B3GNT3: variants seen among roughly 807,000 people sequenced by gnomAD.
B3GNT3 encodes N-acetyllactosaminide beta-1,3-N-acetylglucosaminyltransferase 3.
Under a neutral mutation model 11.6 loss-of-function variants are expected in B3GNT3, and 7 were observed. The ratio of observed to expected loss-of-function variants is 0.60; its 90% confidence interval spans 0.34 to 1.13. The LOEUF (loss-of-function observed/expected upper bound fraction) is 1.13. Among genes scored for constraint, B3GNT3 ranks in the 50% most tolerant of loss-of-function variants. The probability of loss-of-function intolerance (pLI) is 0.03; values close to 1 mark genes in which losing one functional copy is unlikely to be tolerated. For missense variants in B3GNT3, 400 were observed against 507.4 expected (o/e 0.79, Z 2.03); for synonymous variants, 201 against 222.1 (o/e 0.90, Z 0.85).
At chr19:17,798,111 C>T (rs1403239975) in intron 1 of B3GNT3, among the ~76,000 whole-genome samples, 1 of 152,200 alleles carries the variant, frequency 6.6e-6, no homozygotes, top group Non-Finnish European at 1.5e-5. Context: ...GCCAGGGGCT[C>T]ACACCCTCTC....
intron 1 of B3GNT3, among the ~76,000 whole-genome samples, chr19:17,804,368 T>C (rs1335408483): frequency 2.7e-5 from 4 of 150,254 alleles, no homozygotes; most frequent in Non-Finnish European, 5.9e-5. Flanking sequence ...GCCTCCTGAG[T>C]AGCTGGGATT....
chr19:17,798,989 A>T (rs2094162606), intron 1 of B3GNT3, among the ~76,000 whole-genome samples: 2 of 152,108 alleles, frequency 1.3e-5, no homozygotes, highest in African/African-American at 4.8e-5. Context: ...AGAAAAAAAA[A>T]ATCTCATTGT....
At chr19:17,800,783 A>G (rs1599844180) in intron 1 of B3GNT3, among the ~76,000 whole-genome samples, 2 of 152,012 alleles carry the variant, frequency 1.3e-5, no homozygotes, top group Admixed American at 6.6e-5. Flanking sequence ...CCTGGCCAAC[A>G]TGGTGAAACT....
intron 1 of B3GNT3, among the ~76,000 whole-genome samples, chr19:17,801,729 C>T (rs1324993337): frequency 6.6e-6 from 1 of 152,102 alleles, no homozygotes; most frequent in East Asian, 1.9e-4. Context: ...AGTGATCCTC[C>T]CACCTCAGCC....
chr19:17,810,812 C>T (rs2094179667), intron 2 of B3GNT3, among the ~76,000 whole-genome samples: 2 of 151,762 alleles, frequency 1.3e-5, no homozygotes, highest in Non-Finnish European at 2.9e-5. Flanking sequence ...ACCTGAAAGG[C>T]GGAGGTTGCA....
chr19:17,796,356 G>A (rs1025460160), intron 1 of B3GNT3, among the ~76,000 whole-genome samples: 2 of 152,228 alleles, frequency 1.3e-5, no homozygotes, highest in Non-Finnish European at 2.9e-5. Flanking sequence ...GCATCTGAAA[G>A]TGCTGGGATT....
At chr19:17,807,605 AAATGGG>A in intron 1 of B3GNT3, 147 bp from the exon 2 acceptor site, 1 of 545,324 alleles carries the variant, frequency 1.8e-6, no homozygotes. Flanking sequence ...GAGTGCTTTG[AAATGGG>A]TCTTGCAAGG....
chr19:17,800,573 G>A (rs986801757), intron 1 of B3GNT3, among the ~76,000 whole-genome samples: 7 of 152,170 alleles, frequency 4.6e-5, no homozygotes, highest in Non-Finnish European at 1.0e-4. Flanking sequence ...TTTTCAATGA[G>A]TCATTAATAC....
intron 1 of B3GNT3, among the ~76,000 whole-genome samples, chr19:17,799,450 A>G (rs1483654755): frequency 6.6e-6 from 1 of 151,632 alleles, no homozygotes; most frequent in Non-Finnish European, 1.5e-5. Context: ...TTGTATTTTT[A>G]GTAGAAATGG....
At chr19:17,800,325 A>C (rs1312576561) in intron 1 of B3GNT3, among the ~76,000 whole-genome samples, 1 of 152,062 alleles carries the variant, frequency 6.6e-6, no homozygotes, top group Non-Finnish European at 1.5e-5. Context: ...CAGTGAGCCA[A>C]GATCACACCA....
At position 17,813,552 on chromosome 19, in the gene B3GNT3, T is replaced by C. The variant is rs2094183907; in HGVS notation, c.*1430T>C. ...CTCAGATACCCTTCATAGCTCCTTA[T>C]TGCTTTCAGCTCATAACCCCACATA... On this transcript the variant is annotated 3_prime_UTR_variant, in exon 3 of 3. Coordinates refer to ENST00000318683, the MANE Select transcript of B3GNT3 (RefSeq NM_014256.4). 6.6e-6 allele frequency among the ~76,000 whole-genome samples: 1 copy of C among 151,906 alleles called. No individual in the cohort carries two copies. The highest frequency in any genetic ancestry group is 2.4e-5 in the African/African-American group (1 of 41,352).
chr19:17,805,507 G>A (rs566311107), intron 1 of B3GNT3, among the ~76,000 whole-genome samples: 10 of 152,170 alleles, frequency 6.6e-5, no homozygotes, highest in South Asian at 4.2e-4. Context: ...TCTTTCTGGC[G>A]TGCCCATTCT....
At chr19:17,802,251 T>C (rs1018202498) in intron 1 of B3GNT3, among the ~76,000 whole-genome samples, 4 of 152,126 alleles carry the variant, frequency 2.6e-5, no homozygotes, top group East Asian at 1.9e-4. Flanking sequence ...CTTACTAGTC[T>C]CCCAAGCTAT....
intron 1 of B3GNT3, among the ~76,000 whole-genome samples, chr19:17,800,410 C>T (rs1056034217): frequency 2.6e-5 from 4 of 152,040 alleles, no homozygotes; most frequent in Non-Finnish European, 5.9e-5. Flanking sequence ...GGGATGAGGG[C>T]GACAGAGGTG....
Position 17,808,120 on chromosome 19 carries a change from C to T in B3GNT3, c.313C>T (p.Gln105Ter). ...LQDVPPSKCAQPVFLLLVIKS... is the reference protein window; with the variant it reads ...LQDVPPSKCA Reference sequence around the variant, plus strand: ...GGACGTGCCCCCCTCTAAGTGCGCGCAGCCGGTCTTCCTGCTGCTGGTGAT... The same window carrying T: ...GGACGTGCCCCCCTCTAAGTGCGCGTAGCCGGTCTTCCTGCTGCTGGTGAT... The change falls in exon 2 of 3, where the codon CAG becomes TAG. Residue 105 changes from glutamine to a stop codon, truncating the protein, a stop_gained. Transcript: ENST00000318683. LOFTEE classifies it high-confidence loss of function. The T allele has an allele frequency of 6.2e-7, 1 of 1,613,846 alleles. No homozygotes were observed. The highest frequency in any genetic ancestry group is 8.5e-7 in the Non-Finnish European group (1 of 1,179,906).
chr19:17,806,273 G>A lies in B3GNT3; in HGVS notation c.-50-1485G>A, dbSNP rs577549837. On this transcript the variant is annotated intron_variant, in intron 1 of 2. Transcript: ENST00000318683. Reference sequence around the variant, plus strand: ...TGGGATTATGGGTGTGAGCCACTGCGCCCAGCCTAATTTTTGTGTTTTTTG... The same window carrying A: ...TGGGATTATGGGTGTGAGCCACTGCACCCAGCCTAATTTTTGTGTTTTTTG... Among the ~76,000 whole-genome samples, 30 of 151,726 alleles carry A rather than the reference G, an allele frequency of 2.0e-4. No homozygotes were observed. In the South Asian group the frequency reaches 5.8e-3, roughly 29 times the overall value.
Position 17,808,202 on chromosome 19 carries a change from G to A in B3GNT3, c.395G>A (p.Arg132His). The stretch of plus-strand genomic sequence containing the variant: ...GAGCTGCTGCGGCGCACGTGGGGCC[G>A]CGAGCGCAAGGTACGGGGTTTGCAG... ...RRELLRRTWGRERKVRGLQLR... is the reference protein window; with the variant it reads ...RRELLRRTWGHERKVRGLQLR... Residue 132 changes from arginine to histidine, a missense_variant, in exon 2 of 3, where the codon CGC becomes CAC. Coordinates refer to ENST00000318683, the MANE Select transcript of B3GNT3 (RefSeq NM_014256.4). The A allele has an allele frequency of 1.2e-6, 2 of 1,611,554 alleles. No individual in the cohort carries two copies. Among genetic ancestry groups the A allele is most frequent in the South Asian group, 2.2e-5 (2 of 90,994 alleles).
At chr19:17,810,782 G>A (rs1247927747) in intron 2 of B3GNT3, among the ~76,000 whole-genome samples, 1 of 151,954 alleles carries the variant, frequency 6.6e-6, no homozygotes, top group African/African-American at 2.4e-5. Context: ...TTGGGAGGCT[G>A]AGGCAGAAGA....
Position 17,807,960 on chromosome 19 carries a change from T to TCCCCGCCCCC in B3GNT3, c.155_156insCCGCCCCCCC (p.Pro53ArgfsTer53). On this transcript the variant is annotated frameshift_variant, in exon 2 of 3. Coordinates refer to ENST00000318683, the MANE Select transcript of B3GNT3 (RefSeq NM_014256.4). LOFTEE classifies it high-confidence loss of function. ...TCCCCGAGGCCCTGGCCTGGCCCAC[T>TCCCCGCCCCC]CCACCCACCCGCCCAGCCCCGGCCC... 1 of 1,609,548 alleles carries TCCCCGCCCCC rather than the reference T, an allele frequency of 6.2e-7. No homozygotes were observed. Among genetic ancestry groups the TCCCCGCCCCC allele is most frequent in the Non-Finnish European group, 8.5e-7 (1 of 1,178,130 alleles).
Sources: gnomAD v4.1 joint callset for allele counts (sites outside exome capture counted in the v4.1 genomes callset) on GRCh38, gnomAD v4.1.1 for gene constraint, MANE v1.5 for transcripts, NCBI Gene and HGNC (gene_info 2026-07-23, HGNC 2026-07-21) for gene names.